Variants in AHCYL1 observed in about 807,000 individuals in gnomAD.
AHCYL1 encodes the protein adenosylhomocysteinase like 1.
A neutral mutation model predicts 79.3 loss-of-function variants in AHCYL1; 20 were observed. The observed-to-expected ratio is 0.25, with a 90% CI of 0.18 to 0.37. AHCYL1 has a LOEUF of 0.37. AHCYL1 is among the 10% of genes least tolerant of loss of function. The pLI is 1.00. For synonymous variants in AHCYL1, 223 were observed against 242.2 expected (o/e 0.92, Z 0.74); for missense variants, 330 against 673.6 (o/e 0.49, Z 5.65).
chr1:110,011,218 A>C lies in AHCYL1; in HGVS notation c.237A>C (p.Ala79=), dbSNP rs1302734869. 1.2e-6 allele frequency: 2 copies of C among 1,613,924 alleles called. No individual in the cohort carries two copies. Among genetic ancestry groups the C allele is most frequent in the African/African-American group, 2.7e-5 (2 of 74,882 alleles). The change falls in exon 3 of 17, where the codon GCA becomes GCC. Residue 79 remains alanine, a synonymous_variant. Coordinates refer to ENST00000369799, the MANE Select transcript of AHCYL1 (RefSeq NM_006621.7). ...QSSTDSYSSA[A]SYTDSSDDEV... ...TTTTTTCTTTCCTGGCTCTAGCTGCATCCTACACAGATAGCTCTGATGATG... is the reference window on the plus strand; with the variant it reads ...TTTTTTCTTTCCTGGCTCTAGCTGCCTCCTACACAGATAGCTCTGATGATG...
At chr1:110,004,842 G>A (rs1233786695) in intron 1 of AHCYL1, among the ~76,000 whole-genome samples, 1 of 152,156 alleles carries the variant, frequency 6.6e-6, no homozygotes, top group African/African-American at 2.4e-5. Context: ...GAGTGGGTGA[G>A]GGTAGAATCT....
Position 109,985,085 on chromosome 1 carries a change from G to T in AHCYL1, c.33G>T (p.Gly11=), listed in dbSNP as rs376871099. The stretch of plus-strand genomic sequence containing the variant: ...TGCCTGACGCGATGCCGCTGCCCGG[G>T]GTCGGGGAGGAGCTGAAGCAGGCCA... MSMPDAMPLP[G]VGEELKQAKE... is the part of the protein sequence containing the mutation. Residue 11 remains glycine (G), a synonymous_variant, in exon 1 of 17, where the codon GGG becomes GGT. Transcript: ENST00000369799. 1.1e-5 allele frequency: 18 copies of T among 1,608,334 alleles called. No homozygotes were observed. In the African/African-American group the frequency reaches 1.9e-4, roughly 17 times the overall value.
At position 109,985,058 on chromosome 1, in the gene AHCYL1, G is replaced by T; in HGVS notation, c.6G>T (p.Ser2=). ...CTGGCCGGGCCGGCCGGGGAATGTC[G>T]ATGCCTGACGCGATGCCGCTGCCCG... is the stretch of plus-strand genomic sequence containing the variant. M[S]MPDAMPLPGV... Residue 2 remains serine, a synonymous_variant, in exon 1 of 17, where the codon TCG becomes TCT. Transcript: ENST00000369799. 1 of 1,596,124 alleles carries T rather than the reference G, an allele frequency of 6.3e-7. No homozygotes were observed. The highest frequency in any genetic ancestry group is 8.5e-7 in the Non-Finnish European group (1 of 1,172,748).
intron 1 of AHCYL1, among the ~76,000 whole-genome samples, chr1:109,998,718 T>C (rs1261952506): frequency 6.6e-6 from 1 of 152,182 alleles, no homozygotes; most frequent in Admixed American, 6.5e-5. Context: ...CCTCAGGTGA[T>C]CCACCCACCT....
chr1:110,000,499 AT>A (rs1244475565), intron 1 of AHCYL1, among the ~76,000 whole-genome samples: 2 of 152,218 alleles, frequency 1.3e-5, no homozygotes, highest in South Asian at 2.1e-4. Context: ...AAAACATTAC[AT>A]TTCTTTGCAT....
chr1:109,990,766 G>A (rs368400139), intron 1 of AHCYL1, among the ~76,000 whole-genome samples: 1 of 152,106 alleles, frequency 6.6e-6, no homozygotes, highest in East Asian at 1.9e-4. Flanking sequence ...CTCATAGAAT[G>A]TGGGTATTTG....
intron 5 of AHCYL1, among the ~76,000 whole-genome samples, chr1:110,013,851 A>G (rs1245207289): frequency 7.5e-6 from 1 of 132,936 alleles, no homozygotes; most frequent in Non-Finnish European, 1.6e-5. Context: ...CCCAGGCTGG[A>G]GTGCAATGGC....
intron 4 of AHCYL1, 102 bp from the exon 5 acceptor site, chr1:110,012,795 G>T: frequency 1.2e-6 from 1 of 812,290 alleles, no homozygotes; most frequent in Non-Finnish European, 1.9e-6. Context: ...TGTAGCACCT[G>T]TTGGTGCAGA....
At position 110,021,847 on chromosome 1, in the gene AHCYL1, T is replaced by A. The variant is rs1348725707; in HGVS notation, c.*167T>A. 5 of 638,732 alleles carry A rather than the reference T, an allele frequency of 7.8e-6. No homozygotes were observed. The highest frequency in any genetic ancestry group is 7.7e-6 in the Non-Finnish European group (3 of 390,414). 39.6% of individuals were successfully genotyped at this position (638,732 alleles called of 1,614,324 possible). Reference sequence around the variant, plus strand: ...CAAGTTCTGCAGACCACACAGGAACTTGCTTCATGGCTCTTTAGATGAAAT... The same window carrying A: ...CAAGTTCTGCAGACCACACAGGAACATGCTTCATGGCTCTTTAGATGAAAT... On this transcript the variant is annotated 3_prime_UTR_variant, in exon 17 of 17. Transcript: ENST00000369799.
At chr1:109,996,795 A>T (rs150041906) in intron 1 of AHCYL1, among the ~76,000 whole-genome samples, 1 of 152,332 alleles carries the variant, frequency 6.6e-6, no homozygotes, top group East Asian at 1.9e-4. Flanking sequence ...CCACCACTGT[A>T]TATGTGGTCC....
intron 1 of AHCYL1, among the ~76,000 whole-genome samples, chr1:109,987,085 A>G (rs77117635): frequency 0.038 from 5,769 of 152,210 alleles, 358 homozygotes; most frequent in African/African-American, 0.12. Context: ...GTTTCTTATT[A>G]ATCTTTCTCT....
intron 1 of AHCYL1, among the ~76,000 whole-genome samples, chr1:109,998,558 A>G (rs1401209072): frequency 1.3e-5 from 2 of 152,118 alleles, no homozygotes; most frequent in African/African-American, 4.8e-5. Flanking sequence ...CCTCACTGCA[A>G]CCTCCGTCCC....
At chr1:110,008,890 C>G (rs376133328) in intron 1 of AHCYL1, 144 bp from the exon 2 acceptor site, 4 of 573,834 alleles carry the variant, frequency 7.0e-6, no homozygotes, top group Admixed American at 2.9e-5. Context: ...TCGGCCTTCC[C>G]CCATTTCTGG....
intron 1 of AHCYL1, among the ~76,000 whole-genome samples, chr1:110,003,791 TGTG>T (rs1167101283): frequency 1.3e-5 from 2 of 152,168 alleles, no homozygotes; most frequent in Admixed American, 6.5e-5. Context: ...TGTTGCAAAT[TGTG>T]GTGTTCAAAA....
At chr1:110,010,935 C>G (rs1650984126) in intron 2 of AHCYL1, among the ~76,000 whole-genome samples, 1 of 152,166 alleles carries the variant, frequency 6.6e-6, no homozygotes, top group African/African-American at 2.4e-5. Context: ...TCTGGGATTA[C>G]TATAGCTGCA....
At chr1:109,986,998 A>C (rs149032951) in intron 1 of AHCYL1, among the ~76,000 whole-genome samples, 11 of 152,354 alleles carry the variant, frequency 7.2e-5, no homozygotes, top group African/African-American at 2.6e-4. Flanking sequence ...TGCATTAGCT[A>C]AAAGAAGCAG....
intron 1 of AHCYL1, among the ~76,000 whole-genome samples, chr1:109,995,435 G>GT (rs1649981769): frequency 6.6e-6 from 1 of 152,200 alleles, no homozygotes; most frequent in Non-Finnish European, 1.5e-5. Flanking sequence ...TCCTCAGACA[G>GT]TCTCTTTGTC....
rs558233983 is a variant in AHCYL1 at position 109,991,005 on chromosome 1, C to G, written c.120+5833C>G. On this transcript the variant is annotated intron_variant, in intron 1 of 16. Coordinates refer to ENST00000369799, the MANE Select transcript of AHCYL1 (RefSeq NM_006621.7). ...TCTAATTATGTATAACTGATTTTCT[C>G]CTGTAGAAATGTGTGGCCTTTGCTG... is the stretch of plus-strand genomic sequence containing the variant. 1.7e-4 allele frequency among the ~76,000 whole-genome samples: 25 copies of G among 151,468 alleles called. No individual in the cohort carries two copies. The South Asian group carries it at 4.8e-3, about 29-fold the overall frequency.
intron 10 of AHCYL1, 25 bp from the exon 11 acceptor site, chr1:110,017,921 A>G (rs769343611): frequency 6.2e-7 from 1 of 1,612,506 alleles, no homozygotes; most frequent in Non-Finnish European, 8.5e-7. Context: ...TGCTTTACTC[A>G]TAGTGTTCCT....
Sources: allele counts gnomAD v4.1 joint callset (sites outside exome capture counted in the v4.1 genomes callset), GRCh38; gene constraint gnomAD v4.1.1; transcripts MANE v1.5; gene names NCBI Gene and HGNC (gene_info 2026-07-23, HGNC 2026-07-21).